SOX5: variants seen among roughly 807,000 people sequenced by gnomAD.
SOX5 encodes transcription factor SOX-5.
Under a neutral mutation model 92.0 loss-of-function variants are expected in SOX5, and 9 were observed. The observed-to-expected ratio is 0.10, with a 90% CI of 0.06 to 0.17. The LOEUF (loss-of-function observed/expected upper bound fraction) is 0.17, where lower values mean the gene tolerates loss of function less well. Ranked by LOEUF, SOX5 falls within the 10% of genes least tolerant of loss-of-function variation. The pLI is 1.00. For missense variants in SOX5, 642 were observed against 944.5 expected (o/e 0.68, Z 4.20); for synonymous variants, 344 against 336.3 (o/e 1.02, Z -0.25).
intron 3 of SOX5, among the ~76,000 whole-genome samples, chr12:24,260,513 T>C (rs1007442919): frequency 6.6e-6 from 1 of 152,298 alleles, no homozygotes; most frequent in East Asian, 1.9e-4. Flanking sequence ...TACATCTTAA[T>C]TGATGTTTAA....
intron 4 of SOX5, among the ~76,000 whole-genome samples, chr12:23,989,275 C>T (rs1166686041): frequency 2.0e-5 from 3 of 151,052 alleles, no homozygotes; most frequent in Non-Finnish European, 4.4e-5. Flanking sequence ...GCCTCTGGTC[C>T]CTGCCACTCG....
intron 1 of SOX5, among the ~76,000 whole-genome samples, chr12:24,554,934 T>C (rs1253597927): frequency 2.6e-5 from 4 of 152,204 alleles, no homozygotes; most frequent in Non-Finnish European, 4.4e-5. Context: ...CCAGCTCCTC[T>C]ACAGTTTCTT....
chr12:23,650,449 T>G (rs1159204293), intron 7 of SOX5, among the ~76,000 whole-genome samples: 1 of 152,124 alleles, frequency 6.6e-6, no homozygotes, highest in Non-Finnish European at 1.5e-5. Context: ...CTCACCCTGT[T>G]CTTACCACTC....
chr12:24,080,171 A>G (rs1392928112), intron 4 of SOX5, among the ~76,000 whole-genome samples: 2 of 152,002 alleles, frequency 1.3e-5, no homozygotes, highest in African/African-American at 2.4e-5. Flanking sequence ...TAAGATAAAA[A>G]TATGTTTCTG....
At chr12:24,124,641 C>G (rs752214962) in intron 4 of SOX5, among the ~76,000 whole-genome samples, 2 of 151,230 alleles carry the variant, frequency 1.3e-5, no homozygotes, top group Non-Finnish European at 2.9e-5. Flanking sequence ...CAAAGTTGAT[C>G]AAGAATCTTT....
chr12:23,896,078 G>T, intron 1 of SOX5, 54 bp from the exon 2 acceptor site: 1 of 1,254,372 alleles, frequency 8.0e-7, no homozygotes, highest in Non-Finnish European at 1.2e-6. Context: ...AATCCTTAAT[G>T]CCGTCATTGT....
At chr12:24,383,832 G>C (rs1566035424) in intron 1 of SOX5, among the ~76,000 whole-genome samples, 1 of 152,130 alleles carries the variant, frequency 6.6e-6, no homozygotes, top group African/African-American at 2.4e-5. Flanking sequence ...GCATTAGTTA[G>C]TGATACGGTT....
intron 4 of SOX5, among the ~76,000 whole-genome samples, chr12:24,091,422 A>C (rs1944623299): frequency 7.4e-6 from 1 of 135,732 alleles, no homozygotes; most frequent in African/African-American, 2.7e-5. Flanking sequence ...GTAAATAGAG[A>C]ATGCTATTTT....
intron 6 of SOX5, among the ~76,000 whole-genome samples, chr12:23,702,556 T>C (rs2090810086): frequency 6.6e-6 from 1 of 152,074 alleles, no homozygotes; most frequent in African/African-American, 2.4e-5. Context: ...GAATCCTGAA[T>C]AGAGTTCAAG....
chr12:24,266,222 C>G (rs1943004090), intron 3 of SOX5, among the ~76,000 whole-genome samples: 1 of 151,924 alleles, frequency 6.6e-6, no homozygotes, highest in Non-Finnish European at 1.5e-5. Context: ...GGCCCAGGGC[C>G]CATTTTTAAT....
intron 4 of SOX5, among the ~76,000 whole-genome samples, chr12:24,036,749 C>G (rs1322318779): frequency 6.6e-6 from 1 of 152,056 alleles, no homozygotes; most frequent in Non-Finnish European, 1.5e-5. Context: ...GCCCTACTCT[C>G]AATATTTCAG....
chr12:23,943,591 AC>A (rs1189402078), intron 1 of SOX5, among the ~76,000 whole-genome samples: 55 of 152,242 alleles, frequency 3.6e-4, no homozygotes, highest in Non-Finnish European at 6.5e-4. Context: ...AGAAACACAT[AC>A]TACAAAAATG....
chr12:24,146,464 T>G (rs1951092756), intron 4 of SOX5, among the ~76,000 whole-genome samples: 1 of 152,096 alleles, frequency 6.6e-6, no homozygotes, highest in Non-Finnish European at 1.5e-5. Context: ...TGTCAATAGA[T>G]GTGAGATCCT....
At chr12:23,663,486 G>T (rs981494214) in intron 7 of SOX5, among the ~76,000 whole-genome samples, 3 of 151,970 alleles carry the variant, frequency 2.0e-5, no homozygotes, top group Non-Finnish European at 2.9e-5. Context: ...ACTAAATGTG[G>T]TTTTCTCTTC....
chr12:23,816,083 A>C (rs970906918), intron 3 of SOX5, among the ~76,000 whole-genome samples: 23 of 152,216 alleles, frequency 1.5e-4, no homozygotes, highest in African/African-American at 5.3e-4. Flanking sequence ...TAAATGGAAG[A>C]ACATTCTTAG....
At chr12:23,867,340 T>G (rs892589505) in intron 2 of SOX5, among the ~76,000 whole-genome samples, 4 of 152,156 alleles carry the variant, frequency 2.6e-5, no homozygotes, top group African/African-American at 9.6e-5. Context: ...TTTCCCCTCC[T>G]TAAAGTGCTA....
chr12:24,087,389 T>C (rs1191250829), intron 4 of SOX5, among the ~76,000 whole-genome samples: 1 of 152,104 alleles, frequency 6.6e-6, no homozygotes, highest in African/African-American at 2.4e-5. Context: ...ATTATGTCTC[T>C]TACCTTTATT....
intron 1 of SOX5, among the ~76,000 whole-genome samples, chr12:23,907,434 A>T (rs1284390394): frequency 6.6e-6 from 1 of 152,164 alleles, no homozygotes; most frequent in Non-Finnish European, 1.5e-5. Flanking sequence ...AAACTATTTG[A>T]AAGTTTTGTG....
chr12:24,263,878 C>A (rs1293091376), intron 3 of SOX5, among the ~76,000 whole-genome samples: 1 of 152,156 alleles, frequency 6.6e-6, no homozygotes, highest in Non-Finnish European at 1.5e-5. Flanking sequence ...CTTGTACTTT[C>A]TAGTAGTTAT....
Sources: allele counts gnomAD v4.1 joint callset (sites outside exome capture counted in the v4.1 genomes callset), GRCh38; gene constraint gnomAD v4.1.1; transcripts MANE v1.5; gene names NCBI Gene and HGNC (gene_info 2026-07-23, HGNC 2026-07-21).